SLC35F3: variants seen among roughly 807,000 people sequenced by gnomAD.
The protein encoded by SLC35F3 is solute carrier family 35 member F3.
SLC35F3 carries 25 observed loss-of-function variants against 49.9 expected under a neutral mutation model. That is an observed-to-expected ratio of 0.50 (90% CI 0.37 to 0.70). The LOEUF (loss-of-function observed/expected upper bound fraction) is 0.70, where lower values mean the gene tolerates loss of function less well. Ranked by LOEUF, SLC35F3 falls within the 30% of genes least tolerant of loss-of-function variation. SLC35F3 has a pLI of 0.00. For missense variants in SLC35F3, 525 were observed against 639.8 expected, an observed-to-expected ratio of 0.82 and a Z score of 1.94; for synonymous variants, 275 against 265.4, an observed-to-expected ratio of 1.04 and a Z score of -0.35.
intron 2 of SLC35F3, among the ~76,000 whole-genome samples, chr1:233,948,918 G>T (rs1294949318): frequency 6.6e-6 from 1 of 152,116 alleles, no homozygotes; most frequent in Admixed American, 6.5e-5. Flanking sequence ...TTCTAAGCTG[G>T]GAGGCTGTTT....
chr1:234,137,651 G>T (rs1665830900), intron 2 of SLC35F3, among the ~76,000 whole-genome samples: 1 of 152,210 alleles, frequency 6.6e-6, no homozygotes, highest in African/African-American at 2.4e-5. Context: ...GCATCTTCGT[G>T]TCGTTAGTTA....
At chr1:233,952,927 A>G (rs1213682446) in intron 2 of SLC35F3, among the ~76,000 whole-genome samples, 1 of 152,122 alleles carries the variant, frequency 6.6e-6, no homozygotes, top group Non-Finnish European at 1.5e-5. Flanking sequence ...CAAAAAGATG[A>G]GGGAGAAAAT....
intron 2 of SLC35F3, among the ~76,000 whole-genome samples, chr1:234,094,800 G>A (rs1487516534): frequency 6.6e-6 from 1 of 152,134 alleles, no homozygotes; most frequent in East Asian, 1.9e-4. Context: ...TATCTAAAGG[G>A]GGCAGAGATG....
intron 3 of SLC35F3, among the ~76,000 whole-genome samples, chr1:234,258,018 G>A (rs1667848345): frequency 1.3e-5 from 2 of 152,322 alleles, no homozygotes; most frequent in African/African-American, 4.8e-5. Context: ...CTTGCCCACT[G>A]TACAGATAAA....
At chr1:234,122,461 T>A (rs554351222) in intron 2 of SLC35F3, among the ~76,000 whole-genome samples, 272 of 152,376 alleles carry the variant, frequency 1.8e-3, no homozygotes, top group South Asian at 0.017. Context: ...GGCATTTTTT[T>A]AAAATTTTAC....
chr1:233,946,882 ATG>A (rs895100657), intron 2 of SLC35F3, among the ~76,000 whole-genome samples: 5 of 152,206 alleles, frequency 3.3e-5, no homozygotes, highest in Non-Finnish European at 7.3e-5. Flanking sequence ...TCACCTAGGA[ATG>A]TGTGTGTGAC....
intron 2 of SLC35F3, among the ~76,000 whole-genome samples, chr1:234,187,880 C>G (rs1666669043): frequency 6.6e-6 from 1 of 152,128 alleles, no homozygotes. Context: ...ACAATTACAA[C>G]CAGAGTTTCC....
intron 2 of SLC35F3, among the ~76,000 whole-genome samples, chr1:234,101,863 CA>C (rs1665218559): frequency 6.6e-6 from 1 of 152,216 alleles, no homozygotes; most frequent in Non-Finnish European, 1.5e-5. Context: ...TAGCTATCTG[CA>C]AAGTATTTTA....
At chr1:233,923,253 CATG>C (rs1372280330) in intron 2 of SLC35F3, among the ~76,000 whole-genome samples, 3 of 152,132 alleles carry the variant, frequency 2.0e-5, no homozygotes, top group African/African-American at 7.2e-5. Context: ...TGGCCATTTT[CATG>C]ATATTGATTC....
chr1:233,961,805 C>G (rs887665129), intron 2 of SLC35F3, among the ~76,000 whole-genome samples: 2 of 152,198 alleles, frequency 1.3e-5, no homozygotes, highest in Non-Finnish European at 2.9e-5. Flanking sequence ...TCGTAGCTCT[C>G]TAGCTCATTA....
rs150593792 is a variant in SLC35F3 at position 234,291,117 on chromosome 1, G to A, written c.609-17984G>A. Among the ~76,000 whole-genome samples, 351 of 152,206 alleles carry A rather than the reference G, an allele frequency of 2.3e-3. 2 individuals are homozygous for A. Among genetic ancestry groups the A allele is most frequent in the African/African-American group, 8.0e-3 (331 of 41,512 alleles). On this transcript the variant is annotated intron_variant, in intron 3 of 7. Transcript: ENST00000366618. ...ACCAGCTTGGGTCACATGCCTGTTC[G>A]CCACCCCCCAAACCACCAACCCCTC...
rs184645050 is a variant in SLC35F3 at position 234,261,384 on chromosome 1, T to C, written c.608+29643T>C. The stretch of plus-strand genomic sequence containing the variant: ...CAGGGAATTCCTGGAACTGAGGGAA[T>C]TCCTGGATCTATAACTGATATAGTT... On this transcript the variant is annotated intron_variant, in intron 3 of 7. Transcript: ENST00000366618. 1.4e-3 allele frequency among the ~76,000 whole-genome samples: 218 copies of C among 152,338 alleles called. 1 individual carries two copies. The highest frequency in any genetic ancestry group is 5.0e-3 in the African/African-American group (206 of 41,582).
At chr1:234,184,395 G>A (rs1358242656) in intron 2 of SLC35F3, among the ~76,000 whole-genome samples, 1 of 152,158 alleles carries the variant, frequency 6.6e-6, no homozygotes, top group East Asian at 1.9e-4. Context: ...GTGGCTTCTG[G>A]AATGAAGCAT....
At position 234,231,293 on chromosome 1, in the gene SLC35F3, C is replaced by A; in HGVS notation, c.284-124C>A. Reference sequence around the variant, plus strand: ...CACACAGCCGCCCTGGAAGCCGCCCCTGCACCCGCTATCTCCCCGGGCCCC... The same window carrying A: ...CACACAGCCGCCCTGGAAGCCGCCCATGCACCCGCTATCTCCCCGGGCCCC... On this transcript the variant is annotated intron_variant, in intron 2 of 7. Coordinates refer to ENST00000366618, the MANE Select transcript of SLC35F3 (RefSeq NM_173508.4). The surrounding 1 kb of genome is among the most constrained non-coding windows in gnomAD (Gnocchi z 5.4). 1 of 804,458 alleles carries A rather than the reference C, an allele frequency of 1.2e-6. No individual in the cohort carries two copies. Among genetic ancestry groups the A allele is most frequent in the Non-Finnish European group, 1.9e-6 (1 of 527,830 alleles). The allele number at this position is 804,458 out of a possible 1,614,324, so 49.8% of individuals were successfully genotyped here.
At chr1:233,911,715 A>G (rs72751792) in intron 2 of SLC35F3, among the ~76,000 whole-genome samples, 7,812 of 152,338 alleles carry the variant, frequency 0.051, 268 homozygotes, top group Middle Eastern at 0.12. Context: ...ACTATGTGCC[A>G]GAATACAGAG....
At chr1:234,015,649 A>G (rs1192469796) in intron 2 of SLC35F3, among the ~76,000 whole-genome samples, 2 of 152,206 alleles carry the variant, frequency 1.3e-5, no homozygotes, top group African/African-American at 4.8e-5. Flanking sequence ...CACCTTATAC[A>G]AAAATAAACT....
At chr1:234,317,513 G>A (rs1239872745) in intron 5 of SLC35F3, among the ~76,000 whole-genome samples, 5 of 152,162 alleles carry the variant, frequency 3.3e-5, no homozygotes, top group Non-Finnish European at 5.9e-5. Flanking sequence ...GTTTTGAGAC[G>A]TATCAGCCCT....
At chr1:234,255,016 A>C (rs994730336) in intron 3 of SLC35F3, among the ~76,000 whole-genome samples, 12 of 152,236 alleles carry the variant, frequency 7.9e-5, no homozygotes, top group African/African-American at 2.9e-4. Flanking sequence ...ATTTATTTTT[A>C]AATGTCATTG....
intron 2 of SLC35F3, among the ~76,000 whole-genome samples, chr1:234,201,455 A>G (rs1014214899): frequency 3.3e-5 from 5 of 152,238 alleles, no homozygotes; most frequent in African/African-American, 9.6e-5. Flanking sequence ...TACCATGGTT[A>G]CATGTGCCTT....
Sources: gnomAD v4.1 joint callset for allele counts (sites outside exome capture counted in the v4.1 genomes callset) on GRCh38, gnomAD v4.1.1 for gene constraint, Gnocchi (gnomAD v3.1) non-coding constraint, MANE v1.5 for transcripts, NCBI Gene and HGNC (gene_info 2026-07-23, HGNC 2026-07-21) for gene names.